DOT1L: variants seen among roughly 807,000 people sequenced by gnomAD.
DOT1L encodes DOT1 like histone lysine methyltransferase.
A neutral mutation model predicts 153.3 loss-of-function variants in DOT1L; 33 were observed. The ratio of observed to expected loss-of-function variants is 0.22; its 90% CI spans 0.16 to 0.29. The LOEUF (loss-of-function observed/expected upper bound fraction) is 0.29. Among genes scored for constraint, DOT1L ranks in the 10% least tolerant of loss-of-function variants. The pLI, the probability that DOT1L is intolerant of heterozygous loss-of-function variation, is 1.00. For missense variants in DOT1L, 1,847 were observed against 2,119.9 expected, an observed-to-expected ratio of 0.87 and a Z score of 2.53; for synonymous variants, 1,135 against 965.1, an observed-to-expected ratio of 1.18 and a Z score of -3.26.
Position 2,227,989 on chromosome 19 carries a change from C to G in DOT1L, c.4606+862C>G, listed in dbSNP as rs1045735663. 22 of 1,272,106 alleles carry G rather than the reference C, an allele frequency of 1.7e-5. No individual in the cohort carries two copies. The African/African-American group carries it at 2.2e-4, about 13-fold the overall frequency. The allele number at this position is 1,272,106 out of a possible 1,614,324, so 78.8% of individuals were successfully genotyped here. On this transcript the variant is annotated intron_variant, in intron 27 of 27. Coordinates refer to ENST00000398665, the MANE Select transcript of DOT1L (RefSeq NM_032482.3). Reference sequence around the variant, plus strand: ...CCCGCGGGGCCGCCCGTCCTCCACGCCCCCCCTCCACCTAACGCCGCCTTG... The same window carrying G: ...CCCGCGGGGCCGCCCGTCCTCCACGGCCCCCCTCCACCTAACGCCGCCTTG...
At position 2,222,479 on chromosome 19, in the gene DOT1L, T is replaced by A. The variant is rs1372238674; in HGVS notation, c.3310T>A (p.Ser1104Thr). Reference protein sequence around the residue: ...AGTPSLSAGVSPKRRALPSVA... With the variant: ...AGTPSLSAGVTPKRRALPSVA... ...GACGCCCAGCTTGAGCGCAGGCGTG[T>A]CCCCCAAGCGCCGAGCCCTGCCGTC... Residue 1104 changes from serine (S) to threonine (T), a missense_variant, in exon 24 of 28, where the codon TCC becomes ACC. Physicochemically the swap from Ser to Thr is moderately conservative, Grantham distance 58. This residue lies in a region of DOT1L where 934 missense variants were observed against 825.3 expected (regional missense o/e 1.13). Transcript: ENST00000398665. This position sits in a 1 kb window ranked among gnomAD's most constrained non-coding sequence, Gnocchi z 6.5. The A allele has an allele frequency of 6.2e-7, 1 of 1,600,536 alleles. No individual in the cohort carries two copies. The highest frequency in any genetic ancestry group is 1.1e-5 in the South Asian group (1 of 90,734).
At position 2,229,940 on chromosome 19, in the gene DOT1L, G is replaced by A. The variant is rs779519470; in HGVS notation, c.*148G>A. On this transcript the variant is annotated 3_prime_UTR_variant, in exon 28 of 28. Transcript: ENST00000398665. ...GCTCCACTGTGAATCGGCGGCACGC[G>A]CCGCAGGAGGCTGGGACTGGTCCAG... The A allele has an allele frequency of 3.4e-5, 46 of 1,368,996 alleles. No homozygotes were observed. Among genetic ancestry groups the A allele is most frequent in the East Asian group, 9.2e-5 (4 of 43,366 alleles). The allele number at this position is 1,368,996 out of a possible 1,614,324, so 84.8% of individuals were successfully genotyped here.
Position 2,211,084 on chromosome 19 carries a change from C to T in DOT1L, c.1352-15C>T, listed in dbSNP as rs201154003. On this transcript the variant is annotated splice_polypyrimidine_tract_variant and intron_variant, in intron 14 of 27. Transcript: ENST00000398665. Reference sequence around the variant, plus strand: ...CGACCCGCCCTGTGCTGACGCCTGCCCTCCGCTCTCCCAGATGCCTACAGA... The same window carrying T: ...CGACCCGCCCTGTGCTGACGCCTGCTCTCCGCTCTCCCAGATGCCTACAGA... The T allele has an allele frequency of 1.2e-4, 187 of 1,609,558 alleles. No individual in the cohort carries two copies. The highest frequency in any genetic ancestry group is 1.7e-4 in the Middle Eastern group (1 of 6,044).
At chr19:2,192,541 C>T (rs935013035) in intron 5 of DOT1L, among the ~76,000 whole-genome samples, 10 of 152,048 alleles carry the variant, frequency 6.6e-5, no homozygotes, top group South Asian at 2.1e-4. Context: ...GGTGTGGTGG[C>T]GCGCGCCTGT....
chr19:2,193,868 G>C lies in DOT1L; in HGVS notation c.588+85G>C, dbSNP rs1360448032. On this transcript the variant is annotated intron_variant, in intron 6 of 27. Transcript: ENST00000398665. This position sits in a 1 kb window ranked among gnomAD's most constrained non-coding sequence, Gnocchi z 5.9. ...CCCTGGGTGCCTGCACCCCACTGCT[G>C]TGGGACTTCCGAGTCTGGGTGGCGT... The C allele has an allele frequency of 1.4e-6, 2 of 1,402,938 alleles. No individual in the cohort carries two copies. Among genetic ancestry groups the C allele is most frequent in the East Asian group, 2.3e-5 (1 of 43,204 alleles). 86.9% of individuals were successfully genotyped at this position (1,402,938 alleles called of 1,614,324 possible).
Position 2,216,741 on chromosome 19 carries a change from C to T in DOT1L, c.2384C>T (p.Pro795Leu), listed in dbSNP as rs1285057389. 2.1e-5 allele frequency: 34 copies of T among 1,594,150 alleles called. No homozygotes were observed. Among genetic ancestry groups the T allele is most frequent in the African/African-American group, 4.0e-5 (3 of 74,808 alleles). ...LSQDHTVPGR[P>L]AASELHSRAE... ...CAGGACCACACGGTGCCCGGCAGGC[C>T]GGCTGCCAGTGAGCTGCATTCGAGG... The change falls in exon 20 of 28, where the codon CCG (proline) becomes CTG (leucine). Residue 795 changes from proline (P) to leucine (L), a missense_variant. This residue lies in a region of DOT1L where 281 missense variants were observed against 263.6 expected (regional missense o/e 1.07). Coordinates refer to ENST00000398665, the MANE Select transcript of DOT1L (RefSeq NM_032482.3).
At position 2,226,268 on chromosome 19, in the gene DOT1L, C is replaced by T. The variant is rs766194878; in HGVS notation, c.3747C>T (p.Ser1249=). 33 of 1,589,876 alleles carry T rather than the reference C, an allele frequency of 2.1e-5. No individual in the cohort carries two copies. The highest frequency in any genetic ancestry group is 1.4e-4 in the Admixed American group (8 of 57,340). The part of the protein sequence containing the change: ...SKWKSTFSPI[S]DIGLAKSADS... ...GGAAGTCCACCTTCTCGCCCATCTCCGACATCGGCCTGGCCAAGTCGGCGG... is the reference window on the plus strand; with the variant it reads ...GGAAGTCCACCTTCTCGCCCATCTCTGACATCGGCCTGGCCAAGTCGGCGG... Residue 1249 remains serine, a synonymous_variant, in exon 27 of 28, where the codon TCC becomes TCT. Coordinates refer to ENST00000398665, the MANE Select transcript of DOT1L (RefSeq NM_032482.3).
chr19:2,220,342 C>T lies in DOT1L; in HGVS notation c.2806+120C>T. On this transcript the variant is annotated intron_variant, in intron 23 of 27. Transcript: ENST00000398665. The surrounding 1 kb of genome is among the most constrained non-coding windows in gnomAD (Gnocchi z 4.5). ...CTGGGGTGATCATGGGGGCTGCTGC[C>T]CCAAACCGCCACGCCTCATTACTGA... 2.0e-6 allele frequency: 2 copies of T among 981,718 alleles called. No homozygotes were observed. The highest frequency in any genetic ancestry group is 3.1e-6 in the Non-Finnish European group (2 of 639,820). 60.8% of individuals were successfully genotyped at this position (981,718 alleles called of 1,614,324 possible).
At chr19:2,189,901 C>T in intron 4 of DOT1L, 106 bp downstream of exon 4, 1 of 1,287,086 alleles carries the variant, frequency 7.8e-7, no homozygotes, top group East Asian at 2.4e-5. Flanking sequence ...CCTTAGAGCC[C>T]CTGGGGATTG....
intron 25 of DOT1L, 129 bp from the exon 26 acceptor site, chr19:2,225,259 T>G: frequency 1.1e-6 from 1 of 884,106 alleles, no homozygotes; most frequent in South Asian, 1.5e-5. Flanking sequence ...GCTGCACGGG[T>G]CCCCTGTCTG....
intron 25 of DOT1L, among the ~76,000 whole-genome samples, chr19:2,225,079 TCA>T: frequency 6.6e-6 from 1 of 152,346 alleles, no homozygotes; most frequent in Middle Eastern, 3.4e-3. Flanking sequence ...TCTGGGATTC[TCA>T]CACTTCTGTG....
At chr19:2,184,449 G>T (rs917440792) in intron 2 of DOT1L, among the ~76,000 whole-genome samples, 1 of 152,046 alleles carries the variant, frequency 6.6e-6, no homozygotes, top group Non-Finnish European at 1.5e-5. Flanking sequence ...GGAGTCTGGG[G>T]ACTTGGCGTG....
At chr19:2,216,224 G>GGTTC in intron 19 of DOT1L, 57 bp from the exon 20 acceptor site, 1 of 1,511,912 alleles carries the variant, frequency 6.6e-7, no homozygotes. Context: ...TGGCAGTCTT[G>GGTTC]GTTCCCTGGA....
chr19:2,164,402 C>A (rs1025445863), intron 1 of DOT1L, 137 bp downstream of exon 1: 2 of 527,540 alleles, frequency 3.8e-6, no homozygotes, highest in Non-Finnish European at 5.6e-6. Flanking sequence ...TGTCGCTGCT[C>A]CACCCCCGTT....
chr19:2,224,041 C>T (rs1184528347), intron 25 of DOT1L, among the ~76,000 whole-genome samples: 1 of 152,080 alleles, frequency 6.6e-6, no homozygotes. Flanking sequence ...TCTGAGGGCT[C>T]TAGGGACCTC....
In DOT1L at chr19:2,217,488, C is replaced by T. The variant is rs2144875644; in HGVS notation, c.2545-284C>T. Reference sequence around the variant, plus strand: ...GACTTGGCAGTGATGGATGTGGGCCCTGGGAGGCTTGGTGGCCCCACGGGT... The same window carrying T: ...GACTTGGCAGTGATGGATGTGGGCCTTGGGAGGCTTGGTGGCCCCACGGGT... On this transcript the variant is annotated intron_variant, in intron 21 of 27. Coordinates refer to ENST00000398665, the MANE Select transcript of DOT1L (RefSeq NM_032482.3). The surrounding 1 kb of genome is among the most constrained non-coding windows in gnomAD (Gnocchi z 7.3). Among the ~76,000 whole-genome samples, 1 of 152,256 alleles carries T rather than the reference C, an allele frequency of 6.6e-6. No homozygotes were observed. Among genetic ancestry groups the T allele is most frequent in the South Asian group, 2.1e-4 (1 of 4,820 alleles).
At chr19:2,201,148 G>A (rs1421078670) in intron 8 of DOT1L, among the ~76,000 whole-genome samples, 2 of 93,960 alleles carry the variant, frequency 2.1e-5, no homozygotes, top group African/African-American at 8.6e-5. Flanking sequence ...CGCATTCCTC[G>A]TCCTCCCCTC....
At chr19:2,210,894 G>A in intron 14 of DOT1L, 39 bp downstream of exon 14, 1 of 1,602,188 alleles carries the variant, frequency 6.2e-7, no homozygotes, top group South Asian at 1.1e-5. Flanking sequence ...CTCTCCCCGA[G>A]TGCGGATGCC....
chr19:2,217,698 G>T lies in DOT1L; in HGVS notation c.2545-74G>T. ...CTTGAGAGAGCTGTAGCAGGCCCCC[G>T]TCCTGTGGCTGTGGTCCCTGTGTCC... On this transcript the variant is annotated intron_variant, in intron 21 of 27. Coordinates refer to ENST00000398665, the MANE Select transcript of DOT1L (RefSeq NM_032482.3). This position sits in a 1 kb window ranked among gnomAD's most constrained non-coding sequence, Gnocchi z 7.3. 6.5e-7 allele frequency: 1 copy of T among 1,536,076 alleles called. No homozygotes were observed. Among genetic ancestry groups the T allele is most frequent in the Non-Finnish European group, 8.8e-7 (1 of 1,138,628 alleles).
Sources: allele counts gnomAD v4.1 joint callset (sites outside exome capture counted in the v4.1 genomes callset), GRCh38; gene constraint gnomAD v4.1.1; regional missense constraint gnomAD v4.1.1; non-coding constraint Gnocchi (gnomAD v3.1); transcripts MANE v1.5; gene names NCBI Gene and HGNC (gene_info 2026-07-23, HGNC 2026-07-21).